NRF1: variants seen among roughly 807,000 people sequenced by gnomAD.
NRF1 encodes the protein alpha palindromic-binding protein.
Under a neutral mutation model 58.5 loss-of-function variants are expected in NRF1, and 5 were observed. The ratio of observed to expected loss-of-function variants is 0.09; its 90% CI spans 0.04 to 0.18. NRF1 has a LOEUF of 0.18. Ranked by LOEUF, NRF1 falls within the 10% of genes least tolerant of loss-of-function variation. NRF1 has a pLI of 1.00. For missense variants in NRF1, 288 were observed against 657.7 expected (o/e 0.44, Z 6.15); for synonymous variants, 224 against 246.7 (o/e 0.91, Z 0.86).
At position 129,619,423 on chromosome 7, in the gene NRF1, T is replaced by C. The variant is rs563160808; in HGVS notation, c.-7+7599T>C. Among the ~76,000 whole-genome samples, 459 of 87,298 alleles carry C rather than the reference T, an allele frequency of 5.3e-3. 9 individuals are homozygous for C. The highest frequency in any genetic ancestry group is 0.021 in the East Asian group (53 of 2,554). The allele number at this position is 87,298 out of a possible 152,430, so 57.3% of individuals were successfully genotyped here. On this transcript the variant is annotated intron_variant, in intron 1 of 10. Transcript: ENST00000393232. Reference sequence around the variant, plus strand: ...ATATATATATATATATATATATATATATATATATATACACACACACACACA... The same window carrying C: ...ATATATATATATATATATATATATACATATATATATACACACACACACACA...
chr7:129,645,975 G>A (rs1007653211), intron 1 of NRF1, among the ~76,000 whole-genome samples: 23 of 152,036 alleles, frequency 1.5e-4, no homozygotes, highest in African/African-American at 4.8e-4. Flanking sequence ...TCAGCCTCCC[G>A]AGCAGCTGGG....
At chr7:129,735,033 G>T in intron 10 of NRF1, 11 of 985,136 alleles carry the variant, frequency 1.1e-5, no homozygotes, top group Non-Finnish European at 1.3e-5. Flanking sequence ...TGGCTTATTT[G>T]TTTCCCCAGC....
chr7:129,713,366 T>C (rs547741678), intron 8 of NRF1, among the ~76,000 whole-genome samples: 2 of 152,280 alleles, frequency 1.3e-5, no homozygotes, highest in South Asian at 4.2e-4. Flanking sequence ...TAGGATGATA[T>C]ATAGTATATA....
rs75419162 is a variant in NRF1 at position 129,654,447 on chromosome 7, A to G, written c.-6-2899A>G. On this transcript the variant is annotated intron_variant, in intron 1 of 10. Transcript: ENST00000393232. ...CTTTTGGCAGTGTCTTTCACAGGGC[A>G]GAAGTTTCTTGTTTTAATGAAGTCC... Among the ~76,000 whole-genome samples, 3 of 152,288 alleles carry G rather than the reference A, an allele frequency of 2.0e-5. No homozygotes were observed. In the East Asian group the frequency reaches 5.8e-4, roughly 29 times the overall value.
chr7:129,748,568 GTAATGAGGGGA>G (rs1477105968), intron 10 of NRF1, among the ~76,000 whole-genome samples: 1 of 152,204 alleles, frequency 6.6e-6, no homozygotes, highest in East Asian at 1.9e-4. Context: ...ACATGTGATT[GTAATGAGGGGA>G]TAGTGTAGGG....
chr7:129,677,526 A>C, intron 3 of NRF1, 106 bp from the exon 4 acceptor site: 4 of 997,386 alleles, frequency 4.0e-6, no homozygotes, highest in Non-Finnish European at 6.0e-6. Flanking sequence ...TTTTACGTAA[A>C]AGAGCATATC....
intron 1 of NRF1, among the ~76,000 whole-genome samples, chr7:129,628,440 A>G (rs1185025822): frequency 1.3e-5 from 2 of 152,134 alleles, no homozygotes; most frequent in Non-Finnish European, 2.9e-5. Context: ...AAAGTGCTTA[A>G]TTTAAAAAAT....
chr7:129,705,731 T>C (rs138890486), intron 5 of NRF1, among the ~76,000 whole-genome samples: 61 of 151,590 alleles, frequency 4.0e-4, no homozygotes, highest in Admixed American at 2.1e-3. Context: ...GCCTGGGCAA[T>C]GTAGGGAGAC....
chr7:129,631,763 ATCT>A (rs557448977), intron 1 of NRF1, among the ~76,000 whole-genome samples: 10 of 152,272 alleles, frequency 6.6e-5, no homozygotes, highest in South Asian at 4.1e-4. Flanking sequence ...AAAGTAAAAA[ATCT>A]TCTTTTAGAG....
At chr7:129,675,646 G>A (rs1263026067) in intron 3 of NRF1, among the ~76,000 whole-genome samples, 2 of 152,166 alleles carry the variant, frequency 1.3e-5, no homozygotes, top group Non-Finnish European at 2.9e-5. Context: ...TTGTCAATGT[G>A]CAACAATAGT....
At chr7:129,692,821 C>G (rs1254345768) in intron 5 of NRF1, among the ~76,000 whole-genome samples, 1 of 152,144 alleles carries the variant, frequency 6.6e-6, no homozygotes, top group African/African-American at 2.4e-5. Flanking sequence ...TTCCCTTTGC[C>G]TGAGTATTGT....
chr7:129,622,483 T>C (rs1405339870), intron 1 of NRF1, among the ~76,000 whole-genome samples: 2 of 152,172 alleles, frequency 1.3e-5, no homozygotes, highest in Non-Finnish European at 2.9e-5. Flanking sequence ...ATGTTCATTG[T>C]AGAAAAACAG....
intron 10 of NRF1, among the ~76,000 whole-genome samples, chr7:129,737,222 T>G (rs1228656723): frequency 6.6e-6 from 1 of 152,216 alleles, no homozygotes; most frequent in Non-Finnish European, 1.5e-5. Context: ...GCTGTAAAAA[T>G]GGGACTAGAT....
chr7:129,737,546 G>A lies in NRF1; in HGVS notation c.1348+10181G>A, dbSNP rs542738849. On this transcript the variant is annotated intron_variant, in intron 10 of 10. Transcript: ENST00000393232. The stretch of plus-strand genomic sequence containing the variant: ...GAGGGATGATGCCAATCCTCCACAT[G>A]TTAGACTGTAAAACACATCTCCTTC... 2.0e-5 allele frequency among the ~76,000 whole-genome samples: 3 copies of A among 152,074 alleles called. No individual in the cohort carries two copies. The South Asian group carries it at 6.2e-4, about 32-fold the overall frequency.
chr7:129,678,163 A>G (rs1213585394), intron 4 of NRF1, among the ~76,000 whole-genome samples: 1 of 152,182 alleles, frequency 6.6e-6, no homozygotes, highest in Non-Finnish European at 1.5e-5. Flanking sequence ...TTTGAGTTAC[A>G]TATTTGAAAT....
intron 10 of NRF1, among the ~76,000 whole-genome samples, chr7:129,747,226 C>T (rs1481044370): frequency 3.9e-5 from 6 of 152,172 alleles, no homozygotes; most frequent in African/African-American, 1.4e-4. Flanking sequence ...TGCCTGGTTG[C>T]TTATTGACCA....
intron 1 of NRF1, among the ~76,000 whole-genome samples, chr7:129,648,440 C>T (rs573013580): frequency 1.2e-4 from 18 of 151,930 alleles, no homozygotes; most frequent in African/African-American, 2.7e-4. Context: ...CCACCACGCC[C>T]GGCTAACTTT....
chr7:129,620,630 C>T (rs1378108933), intron 1 of NRF1, among the ~76,000 whole-genome samples: 1 of 152,112 alleles, frequency 6.6e-6, no homozygotes, highest in African/African-American at 2.4e-5. Context: ...TTGTGATCCG[C>T]CCGCCTTGGC....
chr7:129,705,316 A>C (rs1487916536), intron 5 of NRF1, among the ~76,000 whole-genome samples: 1 of 151,666 alleles, frequency 6.6e-6, no homozygotes, highest in Non-Finnish European at 1.5e-5. Flanking sequence ...TTTGAGATGG[A>C]GTCTTGCTCT....
Sources: allele counts gnomAD v4.1 joint callset (sites outside exome capture counted in the v4.1 genomes callset), GRCh38; gene constraint gnomAD v4.1.1; transcripts MANE v1.5; gene names NCBI Gene and HGNC (gene_info 2026-07-23, HGNC 2026-07-21).